The following GRB14 variants were observed in gnomAD, a reference collection of about 807,000 sequenced individuals.
The protein encoded by GRB14 is growth factor receptor-bound protein 14.
In GRB14, 38 loss-of-function variants were observed where a neutral mutation model predicts 69.1. That is an observed-to-expected ratio of 0.55 (90% CI 0.42 to 0.72). The LOEUF is 0.72. Ranked by LOEUF, GRB14 falls within the 30% of genes least tolerant of loss-of-function variation. GRB14 has a pLI of 0.00. For synonymous variants in GRB14, 247 were observed against 241.3 expected, an observed-to-expected ratio of 1.02 and a Z score of -0.22; for missense variants, 666 against 666.1, an observed-to-expected ratio of 1.00 and a Z score of 0.00.
At chr2:164,562,226 C>T (rs1688847655) in intron 2 of GRB14, among the ~76,000 whole-genome samples, 1 of 152,130 alleles carries the variant, frequency 6.6e-6, no homozygotes, top group Non-Finnish European at 1.5e-5. Flanking sequence ...ACTAGACCTA[C>T]TTTTATCCCT....
rs75022505 is a variant in GRB14 at position 164,590,201 on chromosome 2, C to G, written c.324+29486G>C. On this transcript the variant is annotated intron_variant, in intron 2 of 13. Coordinates refer to ENST00000263915, the MANE Select transcript of GRB14 (RefSeq NM_004490.3). ...ATGTGTCCAGGTCACATAAGGAACTCAGAGCCTCATTACTTTCTTCATATA... is the reference window on the plus strand; with the variant it reads ...ATGTGTCCAGGTCACATAAGGAACTGAGAGCCTCATTACTTTCTTCATATA... Among the ~76,000 whole-genome samples the G allele has an allele frequency of 7.2e-3, 1,091 of 152,306 alleles. 9 individuals are homozygous for G. The highest frequency in any genetic ancestry group is 0.011 in the Admixed American group (164 of 15,300).
chr2:164,568,402 G>A, intron 2 of GRB14: 1 of 1,277,688 alleles, frequency 7.8e-7, no homozygotes, highest in South Asian at 1.3e-5. Context: ...GAATGATCCT[G>A]TCTCGTAGGT....
chr2:164,606,432 A>G (rs2105356247), intron 2 of GRB14, among the ~76,000 whole-genome samples: 1 of 152,296 alleles, frequency 6.6e-6, no homozygotes, highest in East Asian at 1.9e-4. Context: ...TATTGAAGAG[A>G]CTTTCATTAC....
At chr2:164,582,806 G>A (rs546244914) in intron 2 of GRB14, among the ~76,000 whole-genome samples, 78 of 152,288 alleles carry the variant, frequency 5.1e-4, no homozygotes, top group African/African-American at 1.3e-3. Flanking sequence ...TCTCCACACC[G>A]TCATGGAAAT....
At chr2:164,615,834 A>C (rs1690277338) in intron 2 of GRB14, among the ~76,000 whole-genome samples, 3 of 152,296 alleles carry the variant, frequency 2.0e-5, no homozygotes, top group Admixed American at 6.5e-5. Context: ...AGGGGTCAAC[A>C]AAAAAGACAA....
At chr2:164,600,292 A>G in intron 2 of GRB14, among the ~76,000 whole-genome samples, 1 of 152,220 alleles carries the variant, frequency 6.6e-6, no homozygotes, top group East Asian at 1.9e-4. Context: ...TTTAAAAGCA[A>G]TGCAATTTAA....
At chr2:164,550,384 T>C (rs1390796588) in intron 2 of GRB14, among the ~76,000 whole-genome samples, 1 of 152,194 alleles carries the variant, frequency 6.6e-6, no homozygotes, top group East Asian at 1.9e-4. Flanking sequence ...GAAATAAACT[T>C]CTATTCTGTT....
At chr2:164,494,569 G>C (rs1356305085) in intron 12 of GRB14, 45 bp from the exon 13 acceptor site, 1 of 979,376 alleles carries the variant, frequency 1.0e-6, no homozygotes, top group Non-Finnish European at 1.7e-6. Flanking sequence ...TTTACTCATG[G>C]ATTTCATAGA....
chr2:164,569,697 A>C (rs1689080462), intron 2 of GRB14, among the ~76,000 whole-genome samples: 1 of 152,190 alleles, frequency 6.6e-6, no homozygotes, highest in South Asian at 2.1e-4. Flanking sequence ...AAGAGACACT[A>C]CAACTCCAAG....
chr2:164,499,210 G>T (rs1341422837), intron 9 of GRB14, among the ~76,000 whole-genome samples: 1 of 151,916 alleles, frequency 6.6e-6, no homozygotes, highest in Non-Finnish European at 1.5e-5. Context: ...ATTATATTAA[G>T]AAAAAAATAA....
intron 8 of GRB14, among the ~76,000 whole-genome samples, chr2:164,502,769 A>G (rs1687091593): frequency 6.6e-6 from 1 of 152,116 alleles, no homozygotes; most frequent in African/African-American, 2.4e-5. Flanking sequence ...CTGATGAATG[A>G]CTAATGATTT....
intron 2 of GRB14, among the ~76,000 whole-genome samples, chr2:164,576,216 A>G (rs1050341505): frequency 3.3e-5 from 5 of 152,076 alleles, no homozygotes; most frequent in African/African-American, 1.2e-4. Flanking sequence ...ATAGGTATAA[A>G]GATAATCAGA....
intron 2 of GRB14, among the ~76,000 whole-genome samples, chr2:164,612,023 T>C (rs1690178338): frequency 6.6e-6 from 1 of 152,092 alleles, no homozygotes; most frequent in African/African-American, 2.4e-5. Context: ...ACAGAAAGGG[T>C]GAGCAATGGG....
chr2:164,611,027 C>T (rs1312283352), intron 2 of GRB14, among the ~76,000 whole-genome samples: 1 of 151,370 alleles, frequency 6.6e-6, no homozygotes, highest in African/African-American at 2.4e-5. Flanking sequence ...AAAACAGCTA[C>T]GATAAAGCCT....
rs374037295 is a variant in GRB14 at position 164,504,070 on chromosome 2, A to T, written c.1024-1735T>A. ...TGTAACTAGGACATTACATGTGAGA[A>T]AATCTCCCATTTTCTAAGTCTCAGA... On this transcript the variant is annotated intron_variant, in intron 8 of 13. Coordinates refer to ENST00000263915, the MANE Select transcript of GRB14 (RefSeq NM_004490.3). 3.9e-5 allele frequency among the ~76,000 whole-genome samples: 6 copies of T among 152,278 alleles called. No individual in the cohort carries two copies. In the South Asian group the frequency reaches 8.3e-4, roughly 21 times the overall value.
At chr2:164,571,312 T>A (rs1689117378) in intron 2 of GRB14, among the ~76,000 whole-genome samples, 1 of 152,180 alleles carries the variant, frequency 6.6e-6, no homozygotes, top group African/African-American at 2.4e-5. Context: ...AGAACTGCTG[T>A]GAGGATCAAA....
chr2:164,617,914 T>C (rs750567873), intron 2 of GRB14, among the ~76,000 whole-genome samples: 62 of 145,056 alleles, frequency 4.3e-4, no homozygotes, highest in Non-Finnish European at 7.3e-4. Flanking sequence ...CATCAGACAT[T>C]TCCTTTTCTT....
chr2:164,577,338 C>T (rs926785439), intron 2 of GRB14, among the ~76,000 whole-genome samples: 1 of 152,206 alleles, frequency 6.6e-6, no homozygotes. Context: ...TATGTCCCCA[C>T]CCAATTCTCA....
intron 2 of GRB14, among the ~76,000 whole-genome samples, chr2:164,573,531 C>A (rs1324725391): frequency 1.3e-5 from 2 of 152,106 alleles, no homozygotes. Flanking sequence ...TTAAATGAAT[C>A]AATTTTATTC....
Sources: allele counts gnomAD v4.1 joint callset (sites outside exome capture counted in the v4.1 genomes callset), GRCh38; gene constraint gnomAD v4.1.1; transcripts MANE v1.5; gene names NCBI Gene and HGNC (gene_info 2026-07-23, HGNC 2026-07-21).